ASCC3: variants seen among roughly 807,000 people sequenced by gnomAD.
ASCC3 encodes activating signal cointegrator 1 complex subunit 3, also known as ASC-1 complex subunit P200.
Under a neutral mutation model 256.3 loss-of-function variants are expected in ASCC3, and 158 were observed. The observed-to-expected ratio is 0.62, with a 90% CI of 0.54 to 0.70. ASCC3 has a LOEUF of 0.70. Ranked by LOEUF, ASCC3 falls within the 30% of genes least tolerant of loss-of-function variation. The pLI is 0.00. For synonymous variants in ASCC3, 948 were observed against 883.4 expected (o/e 1.07, Z -1.30); for missense variants, 2,259 against 2,626.0 (o/e 0.86, Z 3.05).
intron 10 of ASCC3, among the ~76,000 whole-genome samples, chr6:100,764,236 G>A (rs1349861034): frequency 6.6e-6 from 1 of 152,128 alleles, no homozygotes; most frequent in Non-Finnish European, 1.5e-5. Flanking sequence ...TGTGCACTAG[G>A]TATTATTTTA....
At chr6:100,559,544 T>C (rs529029675) in intron 36 of ASCC3, among the ~76,000 whole-genome samples, 83 of 152,216 alleles carry the variant, frequency 5.5e-4, no homozygotes, top group Non-Finnish European at 1.1e-3. Context: ...ACAATAGTCA[T>C]TGGACGTATA....
At chr6:100,656,506 C>T (rs1023690309) in intron 16 of ASCC3, among the ~76,000 whole-genome samples, 6 of 151,432 alleles carry the variant, frequency 4.0e-5, no homozygotes, top group African/African-American at 1.5e-4. Context: ...AAAAAATATT[C>T]ATGCATTTGA....
chr6:100,587,818 C>T (rs1295493289), intron 36 of ASCC3, among the ~76,000 whole-genome samples: 1 of 152,158 alleles, frequency 6.6e-6, no homozygotes, highest in Non-Finnish European at 1.5e-5. Flanking sequence ...AGGATGGGAA[C>T]AGACCTTTTG....
At chr6:100,679,976 A>C (rs183382382) in intron 13 of ASCC3, among the ~76,000 whole-genome samples, 39 of 152,334 alleles carry the variant, frequency 2.6e-4, no homozygotes, top group Admixed American at 2.5e-3. Context: ...TGGAGTCTAT[A>C]AAATTTGGAG....
intron 13 of ASCC3, among the ~76,000 whole-genome samples, chr6:100,713,727 A>T (rs1778965537): frequency 6.6e-6 from 1 of 152,172 alleles, no homozygotes; most frequent in African/African-American, 2.4e-5. Context: ...CTGTATTTTT[A>T]AAAAAACTAA....
rs1772633264 is a variant in ASCC3, at chr6:100,601,850, T to G, written c.5263A>C (p.Thr1755Pro). 6.2e-7 allele frequency: 1 copy of G among 1,612,702 alleles called. No homozygotes were observed. Among genetic ancestry groups the G allele is most frequent in the Non-Finnish European group, 8.5e-7 (1 of 1,179,018 alleles). ...TSKQDALDYITWTYFFRRLIM... is the reference protein window; with the variant it reads ...TSKQDALDYIPWTYFFRRLIM... ...AGACGTCGGAAAAAGTAAGTCCAGG[T>G]GATATAATCCAATGCATCTTGCTTA... The change falls in exon 34 of 42, where the codon ACC becomes CCC. Residue 1755 changes from threonine (T) to proline (P), a missense_variant. By Grantham distance (38) the Thr-to-Pro change is conservative (BLOSUM62 -1). This residue lies in a region of ASCC3 where 1,839 missense variants were observed against 2,206.7 expected (regional missense o/e 0.83). Transcript: ENST00000369162.
At chr6:100,527,708 C>T (rs1248479029) in intron 37 of ASCC3, among the ~76,000 whole-genome samples, 1 of 152,098 alleles carries the variant, frequency 6.6e-6, no homozygotes, top group Admixed American at 6.5e-5. Context: ...GTCATAATAT[C>T]TTTCACTTAA....
At chr6:100,771,610 T>C (rs1293934170) in intron 8 of ASCC3, among the ~76,000 whole-genome samples, 1 of 151,876 alleles carries the variant, frequency 6.6e-6, no homozygotes, top group Non-Finnish European at 1.5e-5. Context: ...ATTTAAAGAA[T>C]CATTTCACCA....
At chr6:100,581,941 A>C (rs1463218965) in intron 36 of ASCC3, among the ~76,000 whole-genome samples, 1 of 151,860 alleles carries the variant, frequency 6.6e-6, no homozygotes, top group Non-Finnish European at 1.5e-5. Flanking sequence ...CCATTGATCT[A>C]TATCTCTGTT....
At chr6:100,841,368 T>G (rs1291105701) in intron 4 of ASCC3, among the ~76,000 whole-genome samples, 1 of 151,996 alleles carries the variant, frequency 6.6e-6, no homozygotes. Context: ...AAGTGTCAGA[T>G]GAAGGCAAAA....
chr6:100,531,120 TG>T, intron 37 of ASCC3: 1 of 1,003,496 alleles, frequency 1.0e-6, no homozygotes. Context: ...GCACAATTTC[TG>T]CTGGCTGGAC....
chr6:100,610,075 AAAG>A (rs1422370063), intron 30 of ASCC3, among the ~76,000 whole-genome samples: 1 of 152,208 alleles, frequency 6.6e-6, no homozygotes, highest in African/African-American at 2.4e-5. Flanking sequence ...TGAGCACTGA[AAAG>A]AAGGATACAT....
chr6:100,755,952 G>A (rs1420562431), intron 10 of ASCC3, among the ~76,000 whole-genome samples: 1 of 151,788 alleles, frequency 6.6e-6, no homozygotes, highest in Non-Finnish European at 1.5e-5. Flanking sequence ...ACTTTTTTTA[G>A]TTATGCATCT....
At chr6:100,591,919 T>C (rs1180581954) in intron 34 of ASCC3, among the ~76,000 whole-genome samples, 1 of 151,924 alleles carries the variant, frequency 6.6e-6, no homozygotes, top group Non-Finnish European at 1.5e-5. Flanking sequence ...AAAACTTTCC[T>C]TGAAAAAATT....
chr6:100,523,431 TA>T (rs1157764021), intron 37 of ASCC3, among the ~76,000 whole-genome samples: 30 of 152,276 alleles, frequency 2.0e-4, no homozygotes, highest in Non-Finnish European at 3.2e-4. Context: ...AAATAAGCTA[TA>T]CAGAGAAAAG....
intron 1 of ASCC3, among the ~76,000 whole-genome samples, chr6:100,868,907 A>G (rs946366047): frequency 2.0e-5 from 3 of 152,198 alleles, no homozygotes; most frequent in Non-Finnish European, 2.9e-5. Flanking sequence ...AACAATTTCC[A>G]GGCAAAAAGA....
At chr6:100,693,122 G>C (rs1777916156) in intron 13 of ASCC3, among the ~76,000 whole-genome samples, 1 of 152,082 alleles carries the variant, frequency 6.6e-6, no homozygotes, top group South Asian at 2.1e-4. Context: ...GATGACTATA[G>C]AGTATATCTT....
chr6:100,776,848 A>G (rs1347542485), intron 8 of ASCC3, among the ~76,000 whole-genome samples: 2 of 152,090 alleles, frequency 1.3e-5, no homozygotes, highest in Non-Finnish European at 2.9e-5. Context: ...AGTTTAAGAT[A>G]ATCAAACCAT....
At chr6:100,703,933 A>C (rs1778460146) in intron 13 of ASCC3, among the ~76,000 whole-genome samples, 1 of 151,624 alleles carries the variant, frequency 6.6e-6, no homozygotes, top group African/African-American at 2.4e-5. Flanking sequence ...TATTAGTTAT[A>C]TACAAATATA....
Sources: gnomAD v4.1 joint callset for allele counts (sites outside exome capture counted in the v4.1 genomes callset) on GRCh38, gnomAD v4.1.1 for gene constraint, gnomAD v4.1.1 regional missense constraint, MANE v1.5 for transcripts, NCBI Gene and HGNC (gene_info 2026-07-23, HGNC 2026-07-21) for gene names.